Variants in TTC7B observed in about 807,000 individuals in gnomAD.
TTC7B encodes tetratricopeptide repeat domain 7B.
TTC7B carries 28 observed loss-of-function variants against 106.8 expected under a neutral mutation model. The observed-to-expected ratio is 0.26, with a 90% CI of 0.19 to 0.36. The LOEUF (loss-of-function observed/expected upper bound fraction) is 0.36. Ranked by LOEUF, TTC7B falls within the 10% of genes least tolerant of loss-of-function variation. The pLI is 1.00. For synonymous variants in TTC7B, 405 were observed against 430.6 expected (o/e 0.94, Z 0.74); for missense variants, 862 against 1,076.4 (o/e 0.80, Z 2.79).
At chr14:90,701,024 G>A (rs902666358) in intron 5 of TTC7B, among the ~76,000 whole-genome samples, 1 of 151,948 alleles carries the variant, frequency 6.6e-6, no homozygotes, top group African/African-American at 2.4e-5. Flanking sequence ...CCAATGACAC[G>A]CATTTGTGAA....
chr14:90,533,678 C>T lies in TTC7B; in HGVS notation c.*7690G>A, dbSNP rs1010606118. ...CAGCCAGATCTGTGTGACCCACAGC[C>T]CAGTGGTCACCAGGAAACCCTATTG... On this transcript the variant is annotated 3_prime_UTR_variant, in exon 20 of 20. Coordinates refer to ENST00000328459, the MANE Select transcript of TTC7B (RefSeq NM_001010854.2). The T allele has an allele frequency of 6.6e-6, 1 of 152,282 alleles. No homozygotes were observed. The highest frequency in any genetic ancestry group is 1.5e-5 in the Non-Finnish European group (1 of 68,072). 9.4% of individuals were successfully genotyped at this position (152,282 alleles called of 1,614,324 possible). A position where few individuals can be genotyped will look rare whatever the true frequency, so the allele number is the denominator to read the frequency against.
intron 3 of TTC7B, among the ~76,000 whole-genome samples, chr14:90,758,834 C>T (rs1480142886): frequency 6.6e-6 from 1 of 152,224 alleles, no homozygotes; most frequent in African/African-American, 2.4e-5. Context: ...GCACCCCTCA[C>T]TCCCCTTCTC....
chr14:90,601,920 G>C lies in TTC7B; in HGVS notation c.1967-8294C>G, dbSNP rs1566792327. 10 of 339,386 alleles carry C rather than the reference G, an allele frequency of 2.9e-5. No individual in the cohort carries two copies. In the Admixed American group the frequency reaches 3.6e-4, roughly 12 times the overall value. 21.0% of individuals were successfully genotyped at this position (339,386 alleles called of 1,614,324 possible). A position where few individuals can be genotyped will look rare whatever the true frequency, so the allele number is the denominator to read the frequency against. ...TGCGGCGAGTTGCCGGGTGACTCCA[G>C]AGCTGGCCCTTGATGGTGAGAGGAA... On this transcript the variant is annotated intron_variant, in intron 17 of 19. Coordinates refer to ENST00000328459, the MANE Select transcript of TTC7B (RefSeq NM_001010854.2).
At chr14:90,661,513 A>C (rs994305596) in intron 9 of TTC7B, among the ~76,000 whole-genome samples, 1 of 152,108 alleles carries the variant, frequency 6.6e-6, no homozygotes, top group Non-Finnish European at 1.5e-5. Flanking sequence ...AAAAGCTAGC[A>C]ATACCTAGAA....
At chr14:90,780,148 G>A (rs943294295) in intron 3 of TTC7B, among the ~76,000 whole-genome samples, 5 of 152,150 alleles carry the variant, frequency 3.3e-5, no homozygotes, top group African/African-American at 7.2e-5. Context: ...TTGGGAGGCT[G>A]AGGTGGGCGG....
intron 1 of TTC7B, among the ~76,000 whole-genome samples, chr14:90,794,178 C>A (rs1891687758): frequency 1.4e-5 from 2 of 145,156 alleles, no homozygotes; most frequent in African/African-American, 2.6e-5. Context: ...GCTGGGATTA[C>A]AAGTGTGAGC....
Position 90,691,365 on chromosome 14 carries a change from G to A in TTC7B, c.778-1653C>T, listed in dbSNP as rs1887469259. ...GATTTTTTAAACGTGGGGTTTTGAT[G>A]TGATTGCATATTCTGAAGACATCAC... On this transcript the variant is annotated intron_variant, in intron 6 of 19. Coordinates refer to ENST00000328459, the MANE Select transcript of TTC7B (RefSeq NM_001010854.2). Among the ~76,000 whole-genome samples the A allele has an allele frequency of 2.0e-5, 3 of 152,194 alleles. 1 individual carries two copies. Among genetic ancestry groups the A allele is most frequent in the African/African-American group, 2.4e-5 (1 of 41,532 alleles).
At chr14:90,709,852 T>C (rs1394007697) in intron 5 of TTC7B, among the ~76,000 whole-genome samples, 1 of 151,564 alleles carries the variant, frequency 6.6e-6, no homozygotes, top group East Asian at 1.9e-4. Context: ...TAATTTATGT[T>C]TGAGGGCTCA....
intron 5 of TTC7B, among the ~76,000 whole-genome samples, chr14:90,713,906 A>G (rs991471932): frequency 2.6e-5 from 4 of 152,232 alleles, no homozygotes; most frequent in Admixed American, 1.3e-4. Context: ...ATGGGAGTGA[A>G]CCTCAACAAC....
chr14:90,679,639 G>A (rs533648303), intron 8 of TTC7B, among the ~76,000 whole-genome samples: 4 of 152,278 alleles, frequency 2.6e-5, no homozygotes, highest in East Asian at 1.9e-4. Flanking sequence ...AAGGGGACGC[G>A]AGCCCTCAAG....
At chr14:90,603,519 T>G (rs1446082924) in intron 17 of TTC7B, among the ~76,000 whole-genome samples, 1 of 152,226 alleles carries the variant, frequency 6.6e-6, no homozygotes, top group Non-Finnish European at 1.5e-5. Flanking sequence ...CCCTATCCAT[T>G]GAAATGTTCA....
At chr14:90,758,019 C>T (rs1890360910) in intron 3 of TTC7B, among the ~76,000 whole-genome samples, 1 of 152,052 alleles carries the variant, frequency 6.6e-6, no homozygotes, top group South Asian at 2.1e-4. Flanking sequence ...TAAAGGGGCA[C>T]ATCGGTGAAG....
intron 16 of TTC7B, among the ~76,000 whole-genome samples, chr14:90,612,966 C>T (rs7145137): frequency 0.18 from 27,309 of 152,206 alleles, 2,923 homozygotes; most frequent in African/African-American, 0.31. Flanking sequence ...ATCCACGTTC[C>T]CTCCACCAGC....
At chr14:90,736,582 G>C (rs1207937898) in intron 4 of TTC7B, among the ~76,000 whole-genome samples, 1 of 150,892 alleles carries the variant, frequency 6.6e-6, no homozygotes, top group Non-Finnish European at 1.5e-5. Context: ...AGAAAAAAAA[G>C]GGGGGGTGGG....
At chr14:90,586,899 C>A (rs1488224158) in intron 18 of TTC7B, among the ~76,000 whole-genome samples, 1 of 152,204 alleles carries the variant, frequency 6.6e-6, no homozygotes, top group Admixed American at 6.5e-5. Flanking sequence ...CAGTCACCCA[C>A]AGACTCAAGC....
At chr14:90,683,468 C>T (rs1056218772) in intron 7 of TTC7B, among the ~76,000 whole-genome samples, 2 of 152,034 alleles carry the variant, frequency 1.3e-5, no homozygotes, top group Non-Finnish European at 2.9e-5. Flanking sequence ...AATCTACTGT[C>T]GATCCCAGGT....
intron 7 of TTC7B, among the ~76,000 whole-genome samples, chr14:90,688,621 CAAAAAAAAAAAAAAAAAAAAAAAA>C (rs57020065): frequency 9.2e-5 from 5 of 54,490 alleles, no homozygotes; most frequent in Admixed American, 2.4e-4. Flanking sequence ...GGCTCTGTCT[CAAAAAAAAAAAAAAAAAAAAAAAA>C]AAAAAAAAAA....
chr14:90,803,075 A>G (rs1431709585), intron 1 of TTC7B, among the ~76,000 whole-genome samples: 2 of 151,692 alleles, frequency 1.3e-5, no homozygotes, highest in Non-Finnish European at 2.9e-5. Context: ...ACCGGGAGGC[A>G]GAGGTTGCAG....
chr14:90,604,648 C>T (rs1892567187), intron 17 of TTC7B, among the ~76,000 whole-genome samples: 2 of 152,126 alleles, frequency 1.3e-5, no homozygotes, highest in Admixed American at 1.3e-4. Context: ...CCTTATAAAT[C>T]ACAGATATAG....
Sources: allele counts gnomAD v4.1 joint callset (sites outside exome capture counted in the v4.1 genomes callset), GRCh38; gene constraint gnomAD v4.1.1; transcripts MANE v1.5; gene names NCBI Gene and HGNC (gene_info 2026-07-23, HGNC 2026-07-21).